DENND2A: variants seen among roughly 807,000 people sequenced by gnomAD.
The protein encoded by DENND2A is DENN domain containing 2A.
DENND2A carries 53 observed loss-of-function variants against 105.3 expected under a neutral mutation model. The observed-to-expected ratio is 0.50, with a 90% CI of 0.40 to 0.63. The LOEUF (loss-of-function observed/expected upper bound fraction) is 0.63, where lower values mean the gene tolerates loss of function less well. Among genes scored for constraint, DENND2A ranks in the 30% least tolerant of loss-of-function variants. The probability of loss-of-function intolerance (pLI) is 0.00; values close to 1 mark genes in which losing one functional copy is unlikely to be tolerated. For missense variants in DENND2A, 1,138 were observed against 1,279.6 expected (o/e 0.89, Z 1.69); for synonymous variants, 522 against 508.4 (o/e 1.03, Z -0.36).
intron 3 of DENND2A, among the ~76,000 whole-genome samples, chr7:140,595,909 T>G (rs1442033896): frequency 1.3e-5 from 2 of 152,090 alleles, no homozygotes; most frequent in African/African-American, 4.8e-5. Flanking sequence ...CTCTCCTGAG[T>G]GGCCACGGCA....
At chr7:140,543,272 C>T (rs940422618) in intron 14 of DENND2A, among the ~76,000 whole-genome samples, 11 of 149,724 alleles carry the variant, frequency 7.3e-5, no homozygotes, top group African/African-American at 2.5e-4. Flanking sequence ...GCTCGAGCCA[C>T]CATACCTGGC....
At position 140,558,195 on chromosome 7, in the gene DENND2A, A is replaced by G; in HGVS notation, c.1907T>C (p.Val636Ala). The G allele has an allele frequency of 5.0e-6, 8 of 1,613,578 alleles. No individual in the cohort carries two copies. The highest frequency in any genetic ancestry group is 6.8e-6 in the Non-Finnish European group (8 of 1,179,536). Residue 636 changes from valine (V) to alanine (A), a missense_variant, in exon 11 of 20, where the codon GTC becomes GCC. Transcript: ENST00000496613. ...TCTGCTCCCATCTTCTCCAGTTAAG[A>G]CAAATGAGAATGTTTCACTGTGGTT... ...QQFTSETFSF[V>A]LTGEDGSRRF...
chr7:140,522,632 A>G lies in DENND2A; in HGVS notation c.2666-532T>C, dbSNP rs193278682. On this transcript the variant is annotated intron_variant, in intron 17 of 19. Coordinates refer to ENST00000496613, the MANE Select transcript of DENND2A (RefSeq NM_015689.5). ...CCCAGCCTTTTATTTTTTTTGAGAT[A>G]GAGTCTTGCTCTGTCTCCCAGGCTG... 4.4e-5 allele frequency among the ~76,000 whole-genome samples: 6 copies of G among 137,146 alleles called. No individual in the cohort carries two copies. In the East Asian group the frequency reaches 1.3e-3, roughly 30 times the overall value. The allele number at this position is 137,146 out of a possible 152,430, so 90.0% of individuals were successfully genotyped here.
chr7:140,587,569 T>G, intron 4 of DENND2A, 84 bp downstream of exon 4: 1 of 1,576,308 alleles, frequency 6.3e-7, no homozygotes, highest in Non-Finnish European at 8.6e-7. Flanking sequence ...TGTGTGCACG[T>G]GTGTTTCCAG....
At chr7:140,631,284 G>C (rs993974588) in intron 1 of DENND2A, among the ~76,000 whole-genome samples, 3 of 152,162 alleles carry the variant, frequency 2.0e-5, no homozygotes, top group Admixed American at 2.0e-4. Context: ...TCTTGCATTT[G>C]TTCTGCTTCT....
intron 14 of DENND2A, among the ~76,000 whole-genome samples, chr7:140,539,855 G>A (rs1251298618): frequency 6.6e-6 from 1 of 152,224 alleles, no homozygotes; most frequent in Non-Finnish European, 1.5e-5. Flanking sequence ...CTTCAGGTCT[G>A]CATGGAACCC....
intron 6 of DENND2A, among the ~76,000 whole-genome samples, chr7:140,573,266 A>G (rs1455342187): frequency 6.6e-6 from 1 of 152,214 alleles, no homozygotes; most frequent in Non-Finnish European, 1.5e-5. Flanking sequence ...ACAGTACCAA[A>G]TTGGTCAATG....
chr7:140,558,606 G>A (rs1026877049), intron 10 of DENND2A, among the ~76,000 whole-genome samples: 1 of 149,744 alleles, frequency 6.7e-6, no homozygotes, highest in African/African-American at 2.5e-5. Flanking sequence ...TGAGGCAGGA[G>A]AACTGCTTGA....
chr7:140,593,132 C>T (rs73500413), intron 3 of DENND2A, among the ~76,000 whole-genome samples: 6,004 of 152,250 alleles, frequency 0.039, 381 homozygotes, highest in African/African-American at 0.14. Context: ...GGTTAATGAA[C>T]GATAACCACA....
intron 1 of DENND2A, among the ~76,000 whole-genome samples, chr7:140,624,623 T>A (rs1177939441): frequency 6.6e-6 from 1 of 152,078 alleles, no homozygotes; most frequent in Non-Finnish European, 1.5e-5. Context: ...CTCAGGGGAC[T>A]CAGGTTTCCA....
chr7:140,532,481 A>T (rs1005250326), intron 14 of DENND2A, among the ~76,000 whole-genome samples: 2 of 152,202 alleles, frequency 1.3e-5, no homozygotes, highest in Non-Finnish European at 2.9e-5. Flanking sequence ...TGTGTTTAAG[A>T]TTCCTTCTAC....
At chr7:140,545,184 G>C (rs1485539212) in intron 13 of DENND2A, among the ~76,000 whole-genome samples, 1 of 152,144 alleles carries the variant, frequency 6.6e-6, no homozygotes, top group Admixed American at 6.6e-5. Context: ...GTCTCTTGAG[G>C]AACTGTTACC....
chr7:140,630,311 A>G (rs1296404535), intron 1 of DENND2A, among the ~76,000 whole-genome samples: 4 of 152,244 alleles, frequency 2.6e-5, no homozygotes, highest in African/African-American at 9.6e-5. Flanking sequence ...GGGTTTCACC[A>G]TGTTGCCCAG....
Position 140,599,340 on chromosome 7 carries a change from T to A in DENND2A, c.995+2063A>T, listed in dbSNP as rs73165439. 1.9e-3 allele frequency among the ~76,000 whole-genome samples: 290 copies of A among 151,142 alleles called. 2 individuals are homozygous for A. Among genetic ancestry groups the A allele is most frequent in the Admixed American group, 4.0e-3 (60 of 15,132 alleles). ...GCGATACTCTGTCTCGAAAAAAAAA[T>A]AATAATAATAATACATTATGAAGTT... On this transcript the variant is annotated intron_variant, in intron 3 of 19. Coordinates refer to ENST00000496613, the MANE Select transcript of DENND2A (RefSeq NM_015689.5).
chr7:140,565,166 A>G (rs1240140307), intron 9 of DENND2A, among the ~76,000 whole-genome samples: 1 of 152,174 alleles, frequency 6.6e-6, no homozygotes, highest in East Asian at 1.9e-4. Context: ...GCCTGGGGAC[A>G]GCAGGATCTG....
At position 140,573,924 on chromosome 7, in the gene DENND2A, C is replaced by T. The variant is rs1798196593; in HGVS notation, c.1330G>A (p.Asp444Asn). The change falls in exon 6 of 20, where the codon GAT (aspartate) becomes AAT (asparagine). Residue 444 changes from aspartate to asparagine, a missense_variant. By Grantham distance (23) the Asp-to-Asn change is conservative (BLOSUM62 1). This residue lies in a region of DENND2A where 627 missense variants were observed against 779.8 expected (regional missense o/e 0.80). Coordinates refer to ENST00000496613, the MANE Select transcript of DENND2A (RefSeq NM_015689.5). ...ATTTTGGAAGGGGACCCAGTTCCATCCCGACTCAGCTTCCTAGTGTCCAGC... is the reference window on the plus strand; with the variant it reads ...ATTTTGGAAGGGGACCCAGTTCCATTCCGACTCAGCTTCCTAGTGTCCAGC... ...KLLDTRKLSR[D>N]GTGSPSKISP... is the part of the protein sequence containing the mutation. 2 of 1,614,152 alleles carry T rather than the reference C, an allele frequency of 1.2e-6. No homozygotes were observed. Among genetic ancestry groups the T allele is most frequent in the Non-Finnish European group, 1.7e-6 (2 of 1,180,034 alleles).
chr7:140,639,582 CTTCTT>C (rs941701192), intron 1 of DENND2A, among the ~76,000 whole-genome samples: 2 of 152,176 alleles, frequency 1.3e-5, no homozygotes, highest in African/African-American at 4.8e-5. Context: ...ATTTCTTTCT[CTTCTT>C]TTATGTGGTA....
intron 4 of DENND2A, among the ~76,000 whole-genome samples, 175 bp from the exon 5 acceptor site, chr7:140,585,885 T>C (rs1182082636): frequency 6.6e-6 from 1 of 152,128 alleles, no homozygotes; most frequent in Non-Finnish European, 1.5e-5. Context: ...CTGGGTTACC[T>C]CTCCATCTCC....
chr7:140,575,770 C>A (rs1019156858), intron 5 of DENND2A, among the ~76,000 whole-genome samples: 4 of 152,064 alleles, frequency 2.6e-5, no homozygotes, highest in Non-Finnish European at 5.9e-5. Context: ...GAGTTCGAGA[C>A]CAGCCTGACC....
Sources: allele counts gnomAD v4.1 joint callset (sites outside exome capture counted in the v4.1 genomes callset), GRCh38; gene constraint gnomAD v4.1.1; regional missense constraint gnomAD v4.1.1; transcripts MANE v1.5; gene names NCBI Gene and HGNC (gene_info 2026-07-23, HGNC 2026-07-21).